Variants in ZNF503 observed in about 807,000 individuals in gnomAD.
ZNF503 encodes zinc finger protein 503.
ZNF503 carries 15 observed loss-of-function variants against 34.4 expected under a neutral mutation model. The observed-to-expected ratio is 0.44, with a 90% CI of 0.29 to 0.67. The LOEUF (loss-of-function observed/expected upper bound fraction) is 0.67. Ranked by LOEUF, ZNF503 falls within the 30% of genes least tolerant of loss-of-function variation. The pLI is 0.13. For synonymous variants in ZNF503, 580 were observed against 456.8 expected (o/e 1.27, Z -3.44); for missense variants, 1,007 against 926.8 (o/e 1.09, Z -1.12).
the ZNF503 span, among the ~76,000 whole-genome samples, chr10:75,353,044 A>T: frequency 6.6e-6 from 1 of 152,232 alleles, no homozygotes; most frequent in Non-Finnish European, 1.5e-5. Flanking sequence ...GTAGGAGGGG[A>T]GAAAACACGT....
At chr10:75,385,865 G>GT in the ZNF503 span, among the ~76,000 whole-genome samples, 53 of 151,962 alleles carry the variant, frequency 3.5e-4, no homozygotes, top group East Asian at 2.5e-3. Flanking sequence ...TTCTTCTTCT[G>GT]TTTTTTTTCT....
the ZNF503 span, among the ~76,000 whole-genome samples, chr10:75,357,685 G>A: frequency 6.6e-5 from 10 of 151,322 alleles, no homozygotes; most frequent in African/African-American, 2.4e-4. Context: ...GCCCAGAGAT[G>A]TTAAGTAATT....
chr10:75,299,427 C>T, the ZNF503 span, among the ~76,000 whole-genome samples: 1 of 152,140 alleles, frequency 6.6e-6, no homozygotes, highest in Non-Finnish European at 1.5e-5. Flanking sequence ...CTGAGTATTA[C>T]TGTCGAATTA....
At position 75,401,085 on chromosome 10, in the gene ZNF503, T is replaced by C; in HGVS notation, c.315+20A>G. The C allele has an allele frequency of 1.9e-6, 3 of 1,613,488 alleles. No homozygotes were observed. Among genetic ancestry groups the C allele is most frequent in the Non-Finnish European group, 2.5e-6 (3 of 1,179,896 alleles). On this transcript the variant is annotated intron_variant, in intron 1 of 1. Coordinates refer to ENST00000372524, the MANE Select transcript of ZNF503 (RefSeq NM_032772.6). ...AGCCAGGGTAGTGGTCCCAGTGCGA[T>C]CCAGAGAGAGGGTCCTTACCTCGAT...
At chr10:75,320,919 G>A in the ZNF503 span, among the ~76,000 whole-genome samples, 1 of 152,132 alleles carries the variant, frequency 6.6e-6, no homozygotes, top group Non-Finnish European at 1.5e-5. Flanking sequence ...GTTACCATTT[G>A]GGGAAGTTAG....
chr10:75,339,487 A>T, the ZNF503 span, among the ~76,000 whole-genome samples: 1 of 152,326 alleles, frequency 6.6e-6, no homozygotes, highest in Non-Finnish European at 1.5e-5. Flanking sequence ...GTCACCTGAG[A>T]TAACCTCTGA....
the ZNF503 span, among the ~76,000 whole-genome samples, chr10:75,390,735 A>G: frequency 6.6e-6 from 1 of 152,160 alleles, no homozygotes; most frequent in Non-Finnish European, 1.5e-5. Context: ...GAGTCTGCCA[A>G]TATTCTATTC....
the ZNF503 span, chr10:75,296,304 A>G: frequency 6.6e-6 from 1 of 152,458 alleles, no homozygotes; most frequent in African/African-American, 2.4e-5. Flanking sequence ...GGTCATCGGC[A>G]TGAGAACTGG....
chr10:75,359,907 C>T, the ZNF503 span, among the ~76,000 whole-genome samples: 2 of 152,164 alleles, frequency 1.3e-5, no homozygotes, highest in African/African-American at 2.4e-5. Flanking sequence ...CATTTGCTCC[C>T]GAGGGACAGC....
rs1403156997 is a variant in ZNF503, at chr10:75,398,735, C to T, written c.*14G>A. The stretch of plus-strand genomic sequence containing the variant: ...CCTCTCCCTCCTCTCCCTCGCTCGC[C>T]CTCCCGGCCGCCCTCACTGATACCC... On this transcript the variant is annotated 3_prime_UTR_variant, in exon 2 of 2. Transcript: ENST00000372524. The T allele has an allele frequency of 2.2e-6, 3 of 1,365,422 alleles. No homozygotes were observed. Among genetic ancestry groups the T allele is most frequent in the African/African-American group, 1.5e-5 (1 of 65,654 alleles). 84.6% of individuals were successfully genotyped at this position (1,365,422 alleles called of 1,614,324 possible).
At chr10:75,382,132 C>G in the ZNF503 span, among the ~76,000 whole-genome samples, 5 of 152,066 alleles carry the variant, frequency 3.3e-5, no homozygotes, top group South Asian at 8.3e-4. Flanking sequence ...TTCTAATAAA[C>G]AAACCCATAA....
the ZNF503 span, among the ~76,000 whole-genome samples, chr10:75,363,951 G>A: frequency 1.3e-5 from 2 of 152,326 alleles, no homozygotes; most frequent in East Asian, 3.9e-4. Context: ...TCACCAGGAT[G>A]CTGCTCCATG....
At chr10:75,307,630 G>A in the ZNF503 span, among the ~76,000 whole-genome samples, 88 of 152,380 alleles carry the variant, frequency 5.8e-4, no homozygotes, top group African/African-American at 2.0e-3. Flanking sequence ...GGAAGAAGAT[G>A]TCATTTAGGA....
At chr10:75,303,902 CA>C in the ZNF503 span, among the ~76,000 whole-genome samples, 47 of 148,414 alleles carry the variant, frequency 3.2e-4, no homozygotes, top group Admixed American at 2.8e-3. Flanking sequence ...GGTACAATCT[CA>C]GTTCACTGCA....
At chr10:75,330,708 T>C in the ZNF503 span, among the ~76,000 whole-genome samples, 3 of 152,168 alleles carry the variant, frequency 2.0e-5, no homozygotes, top group Non-Finnish European at 4.4e-5. Flanking sequence ...TTTTTGATTT[T>C]TGATTTTATT....
the ZNF503 span, among the ~76,000 whole-genome samples, chr10:75,282,813 A>G: frequency 1.3e-5 from 2 of 152,198 alleles, no homozygotes; most frequent in Non-Finnish European, 2.9e-5. Flanking sequence ...ATGCAGTAAC[A>G]GTACTTGCCT....
At chr10:75,349,415 G>A in the ZNF503 span, among the ~76,000 whole-genome samples, 5 of 152,128 alleles carry the variant, frequency 3.3e-5, no homozygotes, top group East Asian at 3.9e-4. Context: ...AGACATTTTC[G>A]GCAAGAATGC....
At chr10:75,395,170 G>A (rs779337737), downstream of ZNF503, among the ~76,000 whole-genome samples, 47 of 152,222 alleles carry the variant, frequency 3.1e-4, no homozygotes, top group Non-Finnish European at 5.4e-4. This position sits in a 1 kb window ranked among gnomAD's most constrained non-coding sequence, Gnocchi z 4.4. Flanking sequence ...CAGCATGGCA[G>A]ACAAGGTGAC....
the ZNF503 span, among the ~76,000 whole-genome samples, chr10:75,308,915 T>A: frequency 6.6e-6 from 1 of 152,162 alleles, no homozygotes; most frequent in Admixed American, 6.5e-5. Context: ...GATCTTGGCT[T>A]ACTGCAACCT....
Sources: allele counts gnomAD v4.1 joint callset (sites outside exome capture counted in the v4.1 genomes callset), GRCh38; gene constraint gnomAD v4.1.1; non-coding constraint Gnocchi (gnomAD v3.1); transcripts MANE v1.5; gene names NCBI Gene and HGNC (gene_info 2026-07-23, HGNC 2026-07-21).